The following ZNF311 variants were observed in gnomAD, a reference collection of about 807,000 sequenced individuals.
The protein encoded by ZNF311 is zinc finger protein 311.
Under a neutral mutation model 22.7 loss-of-function variants are expected in ZNF311, and 14 were observed. That is an observed-to-expected ratio of 0.62 (90% CI 0.41 to 0.96). ZNF311 has a LOEUF of 0.96. ZNF311 is among the 40% of genes least tolerant of loss of function. ZNF311 has a pLI of 0.00. For missense variants in ZNF311, 731 were observed against 799.0 expected, an observed-to-expected ratio of 0.91 and a Z score of 1.03; for synonymous variants, 250 against 275.3, an observed-to-expected ratio of 0.91 and a Z score of 0.91.
chr6:28,996,758 C>T (rs914169972), intron 6 of ZNF311, among the ~76,000 whole-genome samples, 172 bp from the exon 7 acceptor site: 1 of 152,210 alleles, frequency 6.6e-6, no homozygotes, highest in Non-Finnish European at 1.5e-5. Context: ...AGATATTTTA[C>T]ACTCAGCACA....
rs1562311497 is a variant in ZNF311 at position 28,994,929 on chromosome 6, A to T, written c.*72T>A. 1 of 1,437,518 alleles carries T rather than the reference A, an allele frequency of 7.0e-7. No homozygotes were observed. Among genetic ancestry groups the T allele is most frequent in the Non-Finnish European group, 9.2e-7 (1 of 1,089,944 alleles). 89.0% of individuals were successfully genotyped at this position (1,437,518 alleles called of 1,614,324 possible). ...AATTAAGGGTCAGGAAATCAGGAAT[A>T]ACTAATATAAGAGACAGAAGGACCA... On this transcript the variant is annotated 3_prime_UTR_variant, in exon 7 of 7. Transcript: ENST00000377179.
intron 1 of ZNF311, 93 bp from the exon 2 acceptor site, chr6:29,004,307 T>G: frequency 2.2e-6 from 2 of 889,248 alleles, no homozygotes; most frequent in Non-Finnish European, 3.0e-6. Context: ...ACTGAAAATG[T>G]GAACATATCC....
Position 28,995,305 on chromosome 6 carries a change from T to C in ZNF311, c.1697A>G (p.His566Arg), listed in dbSNP as rs551959866. Reference sequence around the variant, plus strand: ...TTTGTGCTGCCTCAGGACTGAACTATGATGGAAGGCCATTCCACATACCTC... The same window carrying C: ...TTTGTGCTGCCTCAGGACTGAACTACGATGGAAGGCCATTCCACATACCTC... The part of the protein sequence containing the change: ...KCEVCGMAFH[H>R]SSVLRQHKRI... Residue 566 changes from histidine (H) to arginine (R), a missense_variant, in exon 7 of 7, where the codon CAT becomes CGT. Physicochemically the swap from His to Arg is conservative, Grantham distance 29. Coordinates refer to ENST00000377179, the MANE Select transcript of ZNF311 (RefSeq NM_001382360.1). This position sits in a 1 kb window ranked among gnomAD's most constrained non-coding sequence, Gnocchi z 4.7. The C allele has an allele frequency of 6.2e-6, 10 of 1,613,940 alleles. No individual in the cohort carries two copies. The highest frequency in any genetic ancestry group is 1.3e-5 in the African/African-American group (1 of 75,012).
rs1314838670 is a variant in ZNF311, at chr6:29,003,678, A to G, written c.10-84T>C. On this transcript the variant is annotated intron_variant, in intron 2 of 6. Transcript: ENST00000377179. ...AAGATGCAAGCAACCATACAGGTCT[A>G]TCCACAGAAACTGTCTCCCAGAAAT... 4.7e-6 allele frequency: 7 copies of G among 1,500,758 alleles called. No individual in the cohort carries two copies. The East Asian group carries it at 1.1e-4, about 24-fold the overall frequency. 93.0% of individuals were successfully genotyped at this position (1,500,758 alleles called of 1,614,324 possible). A position where few individuals can be genotyped will look rare whatever the true frequency, so the allele number is the denominator to read the frequency against.
rs767536412 is a variant in ZNF311 at position 28,996,443 on chromosome 6, G to T, written c.559C>A (p.Gln187Lys). The change falls in exon 7 of 7, where the codon CAG becomes AAG. Residue 187 changes from glutamine (Q) to lysine (K), a missense_variant. By Grantham distance (53) the Gln-to-Lys change is moderately conservative (BLOSUM62 1). Coordinates refer to ENST00000377179, the MANE Select transcript of ZNF311 (RefSeq NM_001382360.1). ...RDPKVREVCV[Q>K]DVKLENQWET... is the part of the protein sequence containing the mutation. Reference sequence around the variant, plus strand: ...CATTGATTCTCTAATTTGACATCCTGAACACAAACTTCTCTAACCTTAGGA... The same window carrying T: ...CATTGATTCTCTAATTTGACATCCTTAACACAAACTTCTCTAACCTTAGGA... 1 of 1,609,818 alleles carries T rather than the reference G, an allele frequency of 6.2e-7. No individual in the cohort carries two copies. Among genetic ancestry groups the T allele is most frequent in the Admixed American group, 1.7e-5 (1 of 60,016 alleles).
At chr6:29,004,244 TG>T (rs1400081654) in intron 1 of ZNF311, 30 bp from the exon 2 acceptor site, 3 of 1,364,270 alleles carry the variant, frequency 2.2e-6, no homozygotes, top group Non-Finnish European at 2.8e-6. Flanking sequence ...AAAAGAGGAA[TG>T]TGACCACAGG....
At position 29,004,126 on chromosome 6, in the gene ZNF311, G is replaced by C; in HGVS notation, c.-172C>G. ...AGGGCCCTTCTTGACCCACAGTGCC[G>C]CTACTGTTTGGCTTAATGTGTCAAA... On this transcript the variant is annotated 5_prime_UTR_variant, in exon 2 of 7. Coordinates refer to ENST00000377179, the MANE Select transcript of ZNF311 (RefSeq NM_001382360.1). The C allele has an allele frequency of 1.3e-6, 2 of 1,524,224 alleles. No individual in the cohort carries two copies. Among genetic ancestry groups the C allele is most frequent in the Non-Finnish European group, 1.8e-6 (2 of 1,139,634 alleles). 94.4% of individuals were successfully genotyped at this position (1,524,224 alleles called of 1,614,324 possible).
At chr6:29,004,658 G>A (rs914302880) in intron 1 of ZNF311, among the ~76,000 whole-genome samples, 12 of 151,990 alleles carry the variant, frequency 7.9e-5, no homozygotes, top group Non-Finnish European at 1.8e-4. Context: ...AGTCCTTACC[G>A]AGGTATACAA....
Position 28,998,821 on chromosome 6 carries a change from G to C in ZNF311, c.328C>G (p.Pro110Ala). 1.2e-6 allele frequency: 2 copies of C among 1,612,890 alleles called. No individual in the cohort carries two copies. The highest frequency in any genetic ancestry group is 1.7e-6 in the Non-Finnish European group (2 of 1,179,926). Residue 110 changes from proline (P) to alanine (A), a missense_variant, in exon 6 of 7, where the codon CCT (proline) becomes GCT (alanine). Transcript: ENST00000377179. ...CGCTCCAGATGAGAGATTAAAGGAG[G>C]TTTAGGAAATGGAAATCCTGGTTGC... ...MVSLGFPFPK[P>A]PLISHLEREV...
At position 28,998,876 on chromosome 6, in the gene ZNF311, A is replaced by G. The variant is rs777532563; in HGVS notation, c.311-38T>C. The stretch of plus-strand genomic sequence containing the variant: ...AAGAAATAAGTGTGTAGAGTAACTT[A>G]TAACTTAATAACTTATAACTTAGCT... On this transcript the variant is annotated intron_variant, in intron 5 of 6. Transcript: ENST00000377179. 5 of 1,408,380 alleles carry G rather than the reference A, an allele frequency of 3.6e-6. No individual in the cohort carries two copies. The Admixed American group carries it at 8.7e-5, about 25-fold the overall frequency. 87.2% of individuals were successfully genotyped at this position (1,408,380 alleles called of 1,614,324 possible).
intron 1 of ZNF311, 86 bp downstream of exon 1, chr6:29,004,922 T>G (rs1455491107): frequency 6.6e-6 from 1 of 152,232 alleles, no homozygotes; most frequent in Non-Finnish European, 1.5e-5. Context: ...TGTTTTCTTA[T>G]AGGTCATCTT....
intron 6 of ZNF311, among the ~76,000 whole-genome samples, chr6:28,997,998 A>G (rs1187476302): frequency 6.6e-6 from 1 of 152,086 alleles, no homozygotes; most frequent in Non-Finnish European, 1.5e-5. Flanking sequence ...GAACCTCCCC[A>G]AAGCTATTCT....
chr6:29,001,986 C>A (rs1286100253), intron 3 of ZNF311, among the ~76,000 whole-genome samples: 1 of 152,122 alleles, frequency 6.6e-6, no homozygotes, highest in Non-Finnish European at 1.5e-5. Context: ...AAAAGCATAC[C>A]CCTATGTAAC....
Position 28,999,482 on chromosome 6 carries a change from C to G in ZNF311, c.310+5G>C, listed in dbSNP as rs762685435. 1 of 1,605,910 alleles carries G rather than the reference C, an allele frequency of 6.2e-7. No individual in the cohort carries two copies. ...GAAAGCATTAAGTGTAGGGAAGGTC[C>G]TTACCAAGTGATACCATGTTCCCAT... On this transcript the variant is annotated splice_donor_5th_base_variant and intron_variant, in intron 5 of 6. Coordinates refer to ENST00000377179, the MANE Select transcript of ZNF311 (RefSeq NM_001382360.1).
intron 3 of ZNF311, among the ~76,000 whole-genome samples, chr6:29,000,449 G>C (rs1398835364): frequency 6.6e-6 from 1 of 152,174 alleles, no homozygotes; most frequent in Non-Finnish European, 1.5e-5. Context: ...TAGAAGGAGG[G>C]TGAAAAAGAG....
intron 2 of ZNF311, 109 bp downstream of exon 2, chr6:29,003,837 A>G (rs1780792728): frequency 1.2e-6 from 2 of 1,609,080 alleles, no homozygotes; most frequent in Non-Finnish European, 1.7e-6. Flanking sequence ...AGACACCTCC[A>G]ACAGTATCTA....
At chr6:28,997,199 G>A (rs1247924061) in intron 6 of ZNF311, among the ~76,000 whole-genome samples, 4 of 152,152 alleles carry the variant, frequency 2.6e-5, no homozygotes, top group Non-Finnish European at 5.9e-5. Context: ...TAGTGGTGGT[G>A]GGATGGTATT....
intron 3 of ZNF311, among the ~76,000 whole-genome samples, chr6:29,000,694 G>C (rs763189622): frequency 2.0e-5 from 3 of 151,956 alleles, no homozygotes; most frequent in Non-Finnish European, 4.4e-5. Flanking sequence ...ATAGCACACA[G>C]AGCATTTTAA....
intron 3 of ZNF311, among the ~76,000 whole-genome samples, chr6:29,002,620 A>ATTTT (rs35452431): frequency 7.5e-6 from 1 of 132,854 alleles, no homozygotes. Context: ...TCCAACAGCA[A>ATTTT]TTTTTTTTTT....
Sources: allele counts gnomAD v4.1 joint callset (sites outside exome capture counted in the v4.1 genomes callset), GRCh38; gene constraint gnomAD v4.1.1; non-coding constraint Gnocchi (gnomAD v3.1); transcripts MANE v1.5; gene names NCBI Gene and HGNC (gene_info 2026-07-23, HGNC 2026-07-21).